The following HTATIP2 variants were observed in gnomAD, a reference collection of about 807,000 sequenced individuals.
HTATIP2 encodes HIV-1 Tat interactive protein 2, also known as protein HTATIP2.
Under a neutral mutation model 24.7 loss-of-function variants are expected in HTATIP2, and 26 were observed. The observed-to-expected ratio is 1.05, with a 90% CI of 0.77 to 1.46. HTATIP2 has a LOEUF of 1.46. Ranked by LOEUF, HTATIP2 falls within the 40% of genes most tolerant of loss-of-function variation. HTATIP2 has a pLI of 0.00. For missense variants in HTATIP2, 284 were observed against 289.6 expected, an observed-to-expected ratio of 0.98 and a Z score of 0.14; for synonymous variants, 99 against 113.2, an observed-to-expected ratio of 0.87 and a Z score of 0.79.
At chr11:20,376,938 G>C (rs190325567) in intron 3 of HTATIP2, among the ~76,000 whole-genome samples, 299 of 152,252 alleles carry the variant, frequency 2.0e-3, no homozygotes, top group Non-Finnish European at 3.5e-3. Context: ...CAAATGGAAT[G>C]AGATATGGCA....
chr11:20,368,651 A>G (rs1380623616), intron 2 of HTATIP2, among the ~76,000 whole-genome samples: 1 of 152,244 alleles, frequency 6.6e-6, no homozygotes, highest in Non-Finnish European at 1.5e-5. Flanking sequence ...CTCAAGTGCC[A>G]ACCTGGTTTT....
At chr11:20,367,784 T>G in intron 2 of HTATIP2, 1 of 417,726 alleles carries the variant, frequency 2.4e-6, no homozygotes, top group Non-Finnish European at 3.3e-6. Flanking sequence ...TCAGCGATGA[T>G]TCAACCCCAC....
In HTATIP2 at chr11:20,367,279, G is replaced by T; in HGVS notation, c.301G>T (p.Ala101Ser). ...CLGTTRGKAG[A>S]EGFVRVDRDY... is the part of the protein sequence containing the mutation. ...GGGTACCACCAGAGGGAAAGCTGGG[G>T]CGGTAAGGAAGGCATATGCTCTTTT... The change falls in exon 2 of 5, where the codon GCG becomes TCG. Residue 101 changes from alanine to serine, a missense_variant and splice_region_variant. Physicochemically the swap from Ala to Ser is moderately conservative, Grantham distance 99 (BLOSUM62 1). Transcript: ENST00000451739. 1 of 1,614,042 alleles carries T rather than the reference G, an allele frequency of 6.2e-7. No homozygotes were observed. Among genetic ancestry groups the T allele is most frequent in the Non-Finnish European group, 8.5e-7 (1 of 1,180,018 alleles).
chr11:20,382,502 C>A (rs532351495), intron 4 of HTATIP2, among the ~76,000 whole-genome samples: 3 of 152,166 alleles, frequency 2.0e-5, no homozygotes, highest in Non-Finnish European at 4.4e-5. Flanking sequence ...TAAAACCTTA[C>A]GTCTACTGTA....
chr11:20,373,932 T>C (rs1848403710), intron 2 of HTATIP2, among the ~76,000 whole-genome samples: 1 of 152,190 alleles, frequency 6.6e-6, no homozygotes, highest in South Asian at 2.1e-4. Flanking sequence ...TATAGACAGC[T>C]TGGCAAGTCC....
At chr11:20,370,638 AG>A (rs1215964808) in intron 2 of HTATIP2, among the ~76,000 whole-genome samples, 2 of 152,166 alleles carry the variant, frequency 1.3e-5, no homozygotes, top group Non-Finnish European at 2.9e-5. Flanking sequence ...CTGTGAGCTA[AG>A]AATGTCTTTA....
rs759684347 is a variant in HTATIP2, at chr11:20,364,380, C to G, written c.143C>G (p.Thr48Arg). Residue 48 changes from threonine to arginine, a missense_variant, in exon 1 of 5, where the codon ACG (threonine) becomes AGG (arginine). Coordinates refer to ENST00000451739, the MANE Select transcript of HTATIP2 (RefSeq NM_001098522.2). ...GAGCAGGGCCTGTTTTCCAAAGTCACGCTCATTGGCCGGAGGAAGCTCACC... is the reference window on the plus strand; with the variant it reads ...GAGCAGGGCCTGTTTTCCAAAGTCAGGCTCATTGGCCGGAGGAAGCTCACC... The part of the protein sequence containing the change: ...ILEQGLFSKV[T>R]LIGRRKLTFD... 1.9e-6 allele frequency: 3 copies of G among 1,612,024 alleles called. No individual in the cohort carries two copies. Among genetic ancestry groups the G allele is most frequent in the East Asian group, 2.2e-5 (1 of 44,798 alleles).
intron 1 of HTATIP2, among the ~76,000 whole-genome samples, chr11:20,366,105 T>C (rs2064701933): frequency 1.5e-5 from 2 of 130,610 alleles, no homozygotes; most frequent in Admixed American, 1.5e-4. Context: ...TTTTCTTTTT[T>C]TTTTTTTTTT....
At position 20,364,110 on chromosome 11, in the gene HTATIP2, C is replaced by T. The variant is rs1002874951; in HGVS notation, c.-128C>T. ...GCCCCGCACGTGACTCAGCACTTTC[C>T]CCAGAGCCCGGACTGCGGAGAACAA... is the stretch of plus-strand genomic sequence containing the variant. On this transcript the variant is annotated 5_prime_UTR_variant, in exon 1 of 5. Transcript: ENST00000451739. The T allele has an allele frequency of 5.1e-5, 73 of 1,435,914 alleles. No homozygotes were observed. Among genetic ancestry groups the T allele is most frequent in the Non-Finnish European group, 6.1e-5 (67 of 1,093,214 alleles). 88.9% of individuals were successfully genotyped at this position (1,435,914 alleles called of 1,614,324 possible).
intron 2 of HTATIP2, among the ~76,000 whole-genome samples, chr11:20,374,140 G>A (rs1848407108): frequency 6.6e-6 from 1 of 152,108 alleles, no homozygotes; most frequent in Non-Finnish European, 1.5e-5. Context: ...GGATGAGGAA[G>A]GCTTTTACAG....
Position 20,383,589 on chromosome 11 carries a change from C to T in HTATIP2, c.*384C>T, listed in dbSNP as rs16906210. ...ACAGCAGCCATGAAAACCTTATGAC[C>T]GTGCAAATGAGCTCTGCTCTAAAAT... is the stretch of plus-strand genomic sequence containing the variant. On this transcript the variant is annotated 3_prime_UTR_variant, in exon 5 of 5. Transcript: ENST00000451739. 0.078 allele frequency: 14,995 copies of T among 192,324 alleles called. 1,592 individuals carry two copies. Among genetic ancestry groups the T allele is most frequent in the East Asian group, 0.3 (2,079 of 6,870 alleles). 11.9% of individuals were successfully genotyped at this position (192,324 alleles called of 1,614,324 possible).
rs1368547151 is a variant in HTATIP2, at chr11:20,382,990, T to C, written c.514T>C (p.Cys172Arg). ...YSVFRPGVLLCDRQESRPGEW... is the reference protein window; with the variant it reads ...YSVFRPGVLLRDRQESRPGEW... ...TTTTTTTTATTTTAGAGTTCTGTTATGTGATAGGCAAGAATCTCGCCCAGG... is the reference window on the plus strand; with the variant it reads ...TTTTTTTTATTTTAGAGTTCTGTTACGTGATAGGCAAGAATCTCGCCCAGG... The change falls in exon 5 of 5, where the codon TGT becomes CGT. Residue 172 changes from cysteine to arginine, a missense_variant. Coordinates refer to ENST00000451739, the MANE Select transcript of HTATIP2 (RefSeq NM_001098522.2). 1.2e-6 allele frequency: 2 copies of C among 1,611,876 alleles called. No individual in the cohort carries two copies. The highest frequency in any genetic ancestry group is 1.7e-6 in the Non-Finnish European group (2 of 1,178,904).
At position 20,364,321 on chromosome 11, in the gene HTATIP2, A is replaced by G; in HGVS notation, c.84A>G (p.Gly28=). The G allele has an allele frequency of 6.2e-7, 1 of 1,613,874 alleles. No homozygotes were observed. Among genetic ancestry groups the G allele is most frequent in the Non-Finnish European group, 8.5e-7 (1 of 1,179,800 alleles). The change falls in exon 1 of 5, where the codon GGA becomes GGG. Residue 28 remains glycine, a synonymous_variant. Transcript: ENST00000451739. ...CCGTCTTTATTTTGGGCGCCAGCGGAGAAACCGGCAGAGTGCTCTTAAAGG... is the reference window on the plus strand; with the variant it reads ...CCGTCTTTATTTTGGGCGCCAGCGGGGAAACCGGCAGAGTGCTCTTAAAGG... ...NKSVFILGAS[G]ETGRVLLKEI...
chr11:20,382,064 A>T (rs566539181), intron 3 of HTATIP2, 114 bp from the exon 4 acceptor site: 5 of 629,458 alleles, frequency 7.9e-6, no homozygotes, highest in African/African-American at 5.6e-5. Flanking sequence ...GGATATTTTG[A>T]GTATTGAGAT....
At chr11:20,379,668 G>C (rs1848491675) in intron 3 of HTATIP2, among the ~76,000 whole-genome samples, 2 of 152,176 alleles carry the variant, frequency 1.3e-5, no homozygotes, top group South Asian at 4.1e-4. Context: ...GTGGAGCCCA[G>C]AGTACTGGAT....
At chr11:20,368,038 T>C (rs1440751045) in intron 2 of HTATIP2, among the ~76,000 whole-genome samples, 1 of 152,174 alleles carries the variant, frequency 6.6e-6, no homozygotes, top group Non-Finnish European at 1.5e-5. Flanking sequence ...AACCTGCATG[T>C]TCTGCATATG....
chr11:20,370,028 C>G (rs2064754802), intron 2 of HTATIP2, among the ~76,000 whole-genome samples: 1 of 152,196 alleles, frequency 6.6e-6, no homozygotes, highest in African/African-American at 2.4e-5. Flanking sequence ...CCTGACTTGG[C>G]CCTGATCCAG....
At chr11:20,382,562 T>A (rs1848536195) in intron 4 of HTATIP2, among the ~76,000 whole-genome samples, 1 of 152,110 alleles carries the variant, frequency 6.6e-6, no homozygotes, top group African/African-American at 2.4e-5. Flanking sequence ...TTGGGTGTCT[T>A]AAACAACAGA....
chr11:20,381,039 A>T (rs1041660996), intron 3 of HTATIP2, among the ~76,000 whole-genome samples: 1 of 152,198 alleles, frequency 6.6e-6, no homozygotes, highest in Non-Finnish European at 1.5e-5. Context: ...ACGAGGAGTG[A>T]CTGCTAATGA....
Sources: gnomAD v4.1 joint callset for allele counts (sites outside exome capture counted in the v4.1 genomes callset) on GRCh38, gnomAD v4.1.1 for gene constraint, MANE v1.5 for transcripts, NCBI Gene and HGNC (gene_info 2026-07-23, HGNC 2026-07-21) for gene names.